NAALADL2: variants seen among roughly 807,000 people sequenced by gnomAD.
NAALADL2 encodes the protein inactive N-acetylated-alpha-linked acidic dipeptidase-like protein 2.
In NAALADL2, 76 loss-of-function variants were observed where a neutral mutation model predicts 87.2. That is an observed-to-expected ratio of 0.87 (90% CI 0.72 to 1.05). The LOEUF is 1.05. Ranked by LOEUF, NAALADL2 falls within the 50% of genes least tolerant of loss-of-function variation. The pLI, the probability that NAALADL2 is intolerant of heterozygous loss-of-function variation, is 0.00. For missense variants in NAALADL2, 1,089 were observed against 945.8 expected (o/e 1.15, Z -1.99); for synonymous variants, 354 against 331.0 (o/e 1.07, Z -0.75).
intron 5 of NAALADL2, among the ~76,000 whole-genome samples, chr3:175,405,548 A>T (rs1205491686): frequency 6.6e-6 from 1 of 152,166 alleles, no homozygotes; most frequent in Non-Finnish European, 1.5e-5. Context: ...CTTTCTTTTG[A>T]TAATTTCTTA....
chr3:174,733,757 C>T (rs770003702), intron 2 of NAALADL2, among the ~76,000 whole-genome samples: 3 of 152,164 alleles, frequency 2.0e-5, no homozygotes, highest in Non-Finnish European at 4.4e-5. Flanking sequence ...GTCTCAAATC[C>T]ATCTCTCTGA....
intron 11 of NAALADL2, among the ~76,000 whole-genome samples, chr3:175,653,663 T>C (rs543852554): frequency 1.1e-4 from 17 of 152,324 alleles, no homozygotes; most frequent in African/African-American, 4.1e-4. Flanking sequence ...TGCACATCAG[T>C]GTTCCACAGA....
intron 1 of NAALADL2, among the ~76,000 whole-genome samples, chr3:174,446,480 G>A (rs1035315336): frequency 6.6e-6 from 1 of 152,136 alleles, no homozygotes; most frequent in African/African-American, 2.4e-5. Context: ...TGCATAGTCT[G>A]TGCTTTTGTA....
intron 8 of NAALADL2, among the ~76,000 whole-genome samples, 162 bp from the exon 9 acceptor site, chr3:175,471,474 CAAA>C (rs368173654): frequency 1.0e-4 from 6 of 60,050 alleles, no homozygotes; most frequent in Non-Finnish European, 1.2e-4. Flanking sequence ...GAGTCTGTCT[CAAA>C]AAAAAAAAAA....
chr3:174,912,298 C>A (rs781188591), intron 1 of NAALADL2, among the ~76,000 whole-genome samples: 1 of 151,622 alleles, frequency 6.6e-6, no homozygotes, highest in Non-Finnish European at 1.5e-5. Flanking sequence ...AACATGGATC[C>A]ATGTTTTAAA....
intron 2 of NAALADL2, among the ~76,000 whole-genome samples, chr3:175,140,162 A>G (rs1462339767): frequency 1.3e-5 from 2 of 152,214 alleles, no homozygotes; most frequent in Non-Finnish European, 2.9e-5. Flanking sequence ...TTTCTGAGGG[A>G]TAATTGTGGC....
chr3:174,907,553 A>G (rs1385498643), intron 1 of NAALADL2, among the ~76,000 whole-genome samples: 1 of 152,158 alleles, frequency 6.6e-6, no homozygotes, highest in Non-Finnish European at 1.5e-5. Flanking sequence ...GTTACAAAAA[A>G]CATTGAGATT....
intron 5 of NAALADL2, among the ~76,000 whole-genome samples, chr3:175,333,770 T>G (rs1761678320): frequency 6.6e-6 from 1 of 152,112 alleles, no homozygotes; most frequent in Non-Finnish European, 1.5e-5. Flanking sequence ...AGTATCAGTG[T>G]TGGGTGATTA....
intron 1 of NAALADL2, among the ~76,000 whole-genome samples, chr3:174,446,587 G>A (rs1715069312): frequency 1.3e-5 from 2 of 152,150 alleles, no homozygotes; most frequent in South Asian, 2.1e-4. Flanking sequence ...GTATGTGTGT[G>A]TGTATGTGTG....
chr3:175,697,021 T>C (rs572969586), intron 11 of NAALADL2, among the ~76,000 whole-genome samples: 2 of 152,188 alleles, frequency 1.3e-5, no homozygotes, highest in South Asian at 4.1e-4. Flanking sequence ...ACTGTTACAA[T>C]GGCAATTAAA....
intron 2 of NAALADL2, among the ~76,000 whole-genome samples, chr3:175,128,750 A>G (rs1580598072): frequency 6.6e-6 from 1 of 152,274 alleles, no homozygotes; most frequent in Admixed American, 6.5e-5. Context: ...ATAGGATCAG[A>G]GGATGTTAGA....
intron 9 of NAALADL2, among the ~76,000 whole-genome samples, chr3:175,492,908 T>C (rs1191173080): frequency 6.6e-6 from 1 of 152,096 alleles, no homozygotes; most frequent in Non-Finnish European, 1.5e-5. Context: ...ATCTTCTAGC[T>C]CTTTTCACCA....
At chr3:175,758,403 T>C (rs1559979878) in intron 13 of NAALADL2, among the ~76,000 whole-genome samples, 1 of 151,670 alleles carries the variant, frequency 6.6e-6, no homozygotes, top group Non-Finnish European at 1.5e-5. Context: ...AATTTATATA[T>C]ATTAATTTAT....
chr3:175,001,418 G>A (rs74670327), intron 1 of NAALADL2, among the ~76,000 whole-genome samples: 3,694 of 152,218 alleles, frequency 0.024, 128 homozygotes, highest in East Asian at 0.17. Flanking sequence ...CACACATTCA[G>A]ATTTAAGGAG....
At chr3:175,084,539 A>C (rs1402763646) in intron 1 of NAALADL2, among the ~76,000 whole-genome samples, 3 of 152,244 alleles carry the variant, frequency 2.0e-5, no homozygotes, top group Non-Finnish European at 4.4e-5. Context: ...TACAGTCTGC[A>C]TAAGACACCT....
Position 175,788,088 on chromosome 3 carries a change from GTTTTTTT to G in NAALADL2, c.2190-14901_2190-14895del, listed in dbSNP as rs1004422588. On this transcript the variant is annotated intron_variant, in intron 13 of 13. Coordinates refer to ENST00000454872, the MANE Select transcript of NAALADL2 (RefSeq NM_207015.3). ...TACACAGGTGTACAGTTTTTTACCT[GTTTTTTT>G]TTTTTTTTTTTTTTTGAGACAAGGT... Among the ~76,000 whole-genome samples, 8 of 104,248 alleles carry G rather than the reference GTTTTTTT, an allele frequency of 7.7e-5. No homozygotes were observed. In the East Asian group the frequency reaches 1.2e-3, roughly 15 times the overall value. The allele number at this position is 104,248 out of a possible 152,430, so 68.4% of individuals were successfully genotyped here.
At chr3:175,347,714 T>C (rs931438865) in intron 5 of NAALADL2, among the ~76,000 whole-genome samples, 2 of 152,192 alleles carry the variant, frequency 1.3e-5, no homozygotes, top group African/African-American at 4.8e-5. Flanking sequence ...CAAGAATTGA[T>C]GACTTAGACA....
At chr3:175,750,313 G>T (rs1219271055) in intron 12 of NAALADL2, among the ~76,000 whole-genome samples, 1 of 152,112 alleles carries the variant, frequency 6.6e-6, no homozygotes. Flanking sequence ...GTTTTCCCCA[G>T]AACATCTTAG....
chr3:174,571,567 C>T (rs934482400), intron 2 of NAALADL2, among the ~76,000 whole-genome samples: 14 of 151,988 alleles, frequency 9.2e-5, no homozygotes, highest in African/African-American at 1.9e-4. Context: ...TTAGTAGAGA[C>T]GAGGTTTCTC....
Sources: gnomAD v4.1 joint callset for allele counts (sites outside exome capture counted in the v4.1 genomes callset) on GRCh38, gnomAD v4.1.1 for gene constraint, MANE v1.5 for transcripts, NCBI Gene and HGNC (gene_info 2026-07-23, HGNC 2026-07-21) for gene names.